Variants in CELF4 observed in about 807,000 individuals in gnomAD.
CELF4 encodes CUGBP Elav-like family member 4, also known as CUG-BP- and ETR-3-like factor 4.
CELF4 carries 18 observed loss-of-function variants against 59.9 expected under a neutral mutation model. The ratio of observed to expected loss-of-function variants is 0.30; its 90% CI spans 0.21 to 0.45. CELF4 has a LOEUF of 0.45. Among genes scored for constraint, CELF4 ranks in the 20% least tolerant of loss-of-function variants. The probability of loss-of-function intolerance (pLI) is 1.00; values close to 1 mark genes in which losing one functional copy is unlikely to be tolerated. For missense variants in CELF4, 456 were observed against 689.0 expected, an observed-to-expected ratio of 0.66 and a Z score of 3.79; for synonymous variants, 261 against 267.1, an observed-to-expected ratio of 0.98 and a Z score of 0.22.
intron 2 of CELF4, among the ~76,000 whole-genome samples, chr18:37,342,125 C>T (rs1298496656): frequency 6.6e-6 from 1 of 152,048 alleles, no homozygotes; most frequent in Non-Finnish European, 1.5e-5. Context: ...TCTCCACCAG[C>T]CCCTTAACTT....
chr18:37,525,122 A>T (rs1022084520), intron 1 of CELF4, among the ~76,000 whole-genome samples: 1 of 151,464 alleles, frequency 6.6e-6, no homozygotes, highest in Non-Finnish European at 1.5e-5. Flanking sequence ...CCTTCCTCTT[A>T]AGCTGGCCAC....
At chr18:37,487,655 C>T (rs1053034252) in intron 1 of CELF4, among the ~76,000 whole-genome samples, 11 of 152,192 alleles carry the variant, frequency 7.2e-5, no homozygotes, top group African/African-American at 2.2e-4. Flanking sequence ...TGGCCTTGTC[C>T]TCTGCCTGCA....
At chr18:37,345,324 G>T (rs1324971741) in intron 2 of CELF4, among the ~76,000 whole-genome samples, 2 of 152,214 alleles carry the variant, frequency 1.3e-5, no homozygotes. Flanking sequence ...AGCATCATAA[G>T]GTGGAGGAGT....
intron 1 of CELF4, among the ~76,000 whole-genome samples, chr18:37,554,335 G>A (rs572034646): frequency 6.6e-6 from 1 of 151,994 alleles, no homozygotes. Context: ...ACTGTGCAGA[G>A]GCCAGCGGAC....
At chr18:37,264,520 C>T (rs778738642) in intron 10 of CELF4, among the ~76,000 whole-genome samples, 154 bp downstream of exon 10, 15 of 152,248 alleles carry the variant, frequency 9.9e-5, no homozygotes, top group Non-Finnish European at 2.1e-4. Context: ...GAGCGCCACT[C>T]CTCACAGCAC....
intron 1 of CELF4, among the ~76,000 whole-genome samples, chr18:37,538,461 C>G (rs1485541296): frequency 6.6e-6 from 1 of 152,314 alleles, no homozygotes; most frequent in East Asian, 1.9e-4. Context: ...CTCTGGCTCT[C>G]GACTCCTTCA....
At chr18:37,378,942 T>A (rs62083576) in intron 2 of CELF4, among the ~76,000 whole-genome samples, 3 of 152,234 alleles carry the variant, frequency 2.0e-5, no homozygotes, top group Non-Finnish European at 4.4e-5. Flanking sequence ...TTTTGTTCTC[T>A]GCAAGGCTGA....
intron 1 of CELF4, among the ~76,000 whole-genome samples, chr18:37,514,470 A>G (rs1169394194): frequency 6.6e-6 from 1 of 152,146 alleles, no homozygotes; most frequent in Non-Finnish European, 1.5e-5. Context: ...ATGAGAAGGA[A>G]AAGAGTTTCT....
chr18:37,372,634 T>TAAA (rs947485043), intron 2 of CELF4, among the ~76,000 whole-genome samples: 1 of 151,802 alleles, frequency 6.6e-6, no homozygotes, highest in East Asian at 1.9e-4. Context: ...AGTATAATAA[T>TAAA]AAAAAAACAA....
At chr18:37,440,330 A>G (rs1239533652) in intron 2 of CELF4, among the ~76,000 whole-genome samples, 2 of 152,056 alleles carry the variant, frequency 1.3e-5, no homozygotes, top group African/African-American at 2.4e-5. Context: ...TAGAGAACTG[A>G]GGAGGAAGGG....
intron 2 of CELF4, among the ~76,000 whole-genome samples, chr18:37,454,682 C>T (rs887419751): frequency 4.6e-5 from 7 of 152,300 alleles, no homozygotes; most frequent in African/African-American, 1.7e-4. Flanking sequence ...AAGAGTCCGC[C>T]TGCAAAGCAT....
intron 3 of CELF4, among the ~76,000 whole-genome samples, chr18:37,313,628 C>T (rs553639859): frequency 1.1e-3 from 170 of 152,340 alleles, no homozygotes; most frequent in African/African-American, 4.0e-3. Flanking sequence ...GGACGCTGCC[C>T]CCACCCAGGC....
intron 1 of CELF4, among the ~76,000 whole-genome samples, chr18:37,494,973 C>A (rs2099923468): frequency 1.3e-5 from 2 of 152,174 alleles, no homozygotes; most frequent in African/African-American, 4.8e-5. Flanking sequence ...ATCACAGGTG[C>A]CCTTTCAAAT....
intron 2 of CELF4, among the ~76,000 whole-genome samples, chr18:37,345,687 A>G (rs1210100468): frequency 2.0e-5 from 3 of 151,964 alleles, no homozygotes; most frequent in Non-Finnish European, 4.4e-5. Context: ...GCTGGTTGGG[A>G]ACCCCACCTC....
intron 3 of CELF4, among the ~76,000 whole-genome samples, chr18:37,312,131 G>GA (rs11309116): frequency 8.3e-4 from 94 of 113,072 alleles, no homozygotes; most frequent in Admixed American, 1.5e-3. Context: ...AAAAAAAAAA[G>GA]AAAAAAAAAA....
At chr18:37,493,954 T>C (rs1191363732) in intron 1 of CELF4, among the ~76,000 whole-genome samples, 1 of 152,192 alleles carries the variant, frequency 6.6e-6, no homozygotes, top group Admixed American at 6.5e-5. Context: ...TTCTGCCCTT[T>C]GTACCCACAA....
At chr18:37,267,741 A>G (rs1255308657) in intron 8 of CELF4, among the ~76,000 whole-genome samples, 1 of 152,154 alleles carries the variant, frequency 6.6e-6, no homozygotes, top group Non-Finnish European at 1.5e-5. Context: ...CTCCACTAGA[A>G]AAAGGGCACC....
chr18:37,338,805 T>C (rs2154546006), intron 2 of CELF4, among the ~76,000 whole-genome samples: 1 of 145,130 alleles, frequency 6.9e-6, no homozygotes, highest in South Asian at 2.3e-4. Context: ...GTGTGTGTGA[T>C]CTACCTTCAC....
chr18:37,443,532 A>G (rs1352367259), intron 2 of CELF4, among the ~76,000 whole-genome samples: 3 of 152,166 alleles, frequency 2.0e-5, no homozygotes, highest in Admixed American at 2.0e-4. Context: ...GGCTTCAGCC[A>G]GCGTTTCTCA....
Sources: allele counts gnomAD v4.1 joint callset (sites outside exome capture counted in the v4.1 genomes callset), GRCh38; gene constraint gnomAD v4.1.1; transcripts MANE v1.5; gene names NCBI Gene and HGNC (gene_info 2026-07-23, HGNC 2026-07-21).